FAT3: variants seen among roughly 807,000 people sequenced by gnomAD.
The protein encoded by FAT3 is protocadherin Fat 3.
In FAT3, 95 loss-of-function variants were observed where a neutral mutation model predicts 310.2. The observed-to-expected ratio is 0.31, with a 90% confidence interval of 0.26 to 0.36. The LOEUF is 0.36. Among genes scored for constraint, FAT3 ranks in the 10% least tolerant of loss-of-function variants. The pLI is 1.00. For missense variants in FAT3, 5,408 were observed against 5,715.6 expected (o/e 0.95, Z 1.74); for synonymous variants, 2,314 against 2,192.9 (o/e 1.06, Z -1.54).
chr11:92,297,935 A>G (rs1565209509), intron 1 of FAT3, among the ~76,000 whole-genome samples: 1 of 152,112 alleles, frequency 6.6e-6, no homozygotes, highest in Non-Finnish European at 1.5e-5. Context: ...TGAAAGAGAA[A>G]TTCTGTCCAG....
At chr11:92,713,782 AC>A (rs776370478) in intron 4 of FAT3, among the ~76,000 whole-genome samples, 67 of 152,336 alleles carry the variant, frequency 4.4e-4, no homozygotes, top group Admixed American at 8.5e-4. Context: ...TGAATCAAAA[AC>A]ATAATAGTAT....
rs374747038 is a variant in FAT3 at position 92,312,194 on chromosome 11, G to A, written c.-17-39902G>A. Among the ~76,000 whole-genome samples the A allele has an allele frequency of 4.0e-5, 6 of 151,632 alleles. No individual in the cohort carries two copies. The East Asian group carries it at 9.7e-4, about 24-fold the overall frequency. On this transcript the variant is annotated intron_variant, in intron 1 of 27. Coordinates refer to ENST00000525166, the MANE Select transcript of FAT3 (RefSeq NM_001367949.2). ...CTTGTGGAGTGTTTGAATAATGCAG[G>A]CTCCAGCTACTGCCTACAGGAATTC...
intron 3 of FAT3, among the ~76,000 whole-genome samples, chr11:92,642,386 A>G (rs941169529): frequency 5.9e-5 from 9 of 152,218 alleles, no homozygotes; most frequent in Non-Finnish European, 8.8e-5. Context: ...TAGAACTGAT[A>G]CAATTTGATA....
intron 2 of FAT3, among the ~76,000 whole-genome samples, chr11:92,423,201 A>G (rs1464492075): frequency 1.3e-5 from 2 of 152,146 alleles, no homozygotes; most frequent in Non-Finnish European, 2.9e-5. Context: ...TACACTGGAC[A>G]GCCATGGATT....
chr11:92,715,756 T>C (rs1004400742), intron 4 of FAT3, among the ~76,000 whole-genome samples: 2 of 151,986 alleles, frequency 1.3e-5, no homozygotes, highest in Admixed American at 6.6e-5. Context: ...GCTGCACTTA[T>C]CAGGGAGGAC....
intron 1 of FAT3, among the ~76,000 whole-genome samples, chr11:92,286,653 T>G (rs1425467858): frequency 6.6e-6 from 1 of 152,194 alleles, no homozygotes; most frequent in Non-Finnish European, 1.5e-5. Flanking sequence ...TAAGCCACAG[T>G]TAAGAGCATT....
intron 2 of FAT3, among the ~76,000 whole-genome samples, chr11:92,395,134 C>G (rs1949838117): frequency 6.6e-6 from 1 of 152,164 alleles, no homozygotes; most frequent in South Asian, 2.1e-4. Context: ...TTCAGGAGTA[C>G]TAAAGACATT....
At chr11:92,739,342 G>A (rs1945441047) in intron 4 of FAT3, among the ~76,000 whole-genome samples, 1 of 151,984 alleles carries the variant, frequency 6.6e-6, no homozygotes, top group Non-Finnish European at 1.5e-5. Context: ...GAGCCTGCAT[G>A]TTATGGTAAT....
intron 5 of FAT3, among the ~76,000 whole-genome samples, chr11:92,764,129 G>A (rs562016622): frequency 2.6e-5 from 4 of 152,080 alleles, no homozygotes; most frequent in Non-Finnish European, 5.9e-5. Flanking sequence ...ACCCTGCCCA[G>A]CTGGGGAGGG....
chr11:92,522,243 C>A (rs1484713594), intron 2 of FAT3, among the ~76,000 whole-genome samples: 1 of 152,136 alleles, frequency 6.6e-6, no homozygotes, highest in Non-Finnish European at 1.5e-5. Flanking sequence ...AGAGCTCCAG[C>A]CTACCTGGGT....
At chr11:92,774,434 C>G (rs1327693847) in intron 7 of FAT3, among the ~76,000 whole-genome samples, 1 of 152,186 alleles carries the variant, frequency 6.6e-6, no homozygotes, top group Non-Finnish European at 1.5e-5. Flanking sequence ...TGATCATCTA[C>G]TGTAGATTTA....
chr11:92,821,963 A>G (rs1411402405), intron 13 of FAT3, among the ~76,000 whole-genome samples: 1 of 152,226 alleles, frequency 6.6e-6, no homozygotes, highest in Admixed American at 6.5e-5. Flanking sequence ...CAAACAAGCA[A>G]GGGCTCCATC....
In FAT3 at chr11:92,705,566, G is replaced by A. The variant is rs899504173; in HGVS notation, c.3669+8121G>A. 5.1e-3 allele frequency among the ~76,000 whole-genome samples: 73 copies of A among 14,230 alleles called. 1 individual carries two copies. The highest frequency in any genetic ancestry group is 7.6e-3 in the Non-Finnish European group (50 of 6,536). The allele number at this position is 14,230 out of a possible 152,430, so 9.3% of individuals were successfully genotyped here. The stretch of plus-strand genomic sequence containing the variant: ...GTGTGATGGTGGTGGTGTGATGGTG[G>A]TGGTGGTGGTGATGGTGGTGGTGTG... On this transcript the variant is annotated intron_variant, in intron 4 of 27. Coordinates refer to ENST00000525166, the MANE Select transcript of FAT3 (RefSeq NM_001367949.2).
intron 20 of FAT3, among the ~76,000 whole-genome samples, chr11:92,858,369 C>A (rs1949035365): frequency 6.6e-6 from 1 of 152,136 alleles, no homozygotes; most frequent in African/African-American, 2.4e-5. Context: ...GATCATAAAG[C>A]CAAATCTTCT....
chr11:92,620,717 T>A (rs1941046693), intron 3 of FAT3, among the ~76,000 whole-genome samples: 1 of 152,200 alleles, frequency 6.6e-6, no homozygotes, highest in African/African-American at 2.4e-5. Flanking sequence ...ACTCTTTTAT[T>A]TGATTTTTTT....
chr11:92,423,262 T>C (rs1950566871), intron 2 of FAT3, among the ~76,000 whole-genome samples: 1 of 152,142 alleles, frequency 6.6e-6, no homozygotes, highest in African/African-American at 2.4e-5. Context: ...ACACGGATCA[T>C]GCCATGAAGT....
intron 2 of FAT3, among the ~76,000 whole-genome samples, chr11:92,499,598 G>T (rs1250752062): frequency 3.3e-5 from 5 of 152,076 alleles, no homozygotes; most frequent in African/African-American, 9.6e-5. Context: ...AAAAAAATTT[G>T]CAGAGACCCT....
In FAT3 at chr11:92,851,197, A is replaced by G. The variant is rs560246545; in HGVS notation, c.11366-6017A>G. On this transcript the variant is annotated intron_variant, in intron 19 of 27. Coordinates refer to ENST00000525166, the MANE Select transcript of FAT3 (RefSeq NM_001367949.2). ...CGTATCACCTACTGCGGACTTACAA[A>G]TCATGAATCTGATCAAAAAAGGACA... is the stretch of plus-strand genomic sequence containing the variant. Among the ~76,000 whole-genome samples, 29 of 152,282 alleles carry G rather than the reference A, an allele frequency of 1.9e-4. 1 individual carries two copies. The South Asian group carries it at 5.8e-3, about 31-fold the overall frequency.
rs1401701452 is a variant in FAT3, at chr11:92,799,945, C to T, written c.6932C>T (p.Ser2311Phe). Residue 2311 changes from serine to phenylalanine, a missense_variant, in exon 10 of 28, where the codon TCT (serine) becomes TTT (phenylalanine). Ser to Phe is a radical substitution (Grantham distance 155). Around this residue, in one of 5 missense-constraint regions of FAT3, gnomAD observed 4,588 missense variants for 4,809.8 expected, o/e 0.95. Transcript: ENST00000525166. ...LIGTPVLQVV[S>F]IDADSENNKM... Reference sequence around the variant, plus strand: ...GGGACACCTGTTTTACAAGTTGTCTCTATTGATGCAGACTCAGAAAACAAT... The same window carrying T: ...GGGACACCTGTTTTACAAGTTGTCTTTATTGATGCAGACTCAGAAAACAAT... The T allele has an allele frequency of 1.2e-6, 2 of 1,612,694 alleles. No individual in the cohort carries two copies. The highest frequency in any genetic ancestry group is 1.7e-6 in the Non-Finnish European group (2 of 1,179,310).
Sources: gnomAD v4.1 joint callset for allele counts (sites outside exome capture counted in the v4.1 genomes callset) on GRCh38, gnomAD v4.1.1 for gene constraint, gnomAD v4.1.1 regional missense constraint, MANE v1.5 for transcripts, NCBI Gene and HGNC (gene_info 2026-07-23, HGNC 2026-07-21) for gene names.